The following KALRN variants were observed in gnomAD, a reference collection of about 807,000 sequenced individuals.
The protein encoded by KALRN is kalirin RhoGEF kinase.
KALRN carries 70 observed loss-of-function variants against 353.7 expected under a neutral mutation model. The observed-to-expected ratio is 0.20, with a 90% CI of 0.16 to 0.24. The LOEUF is 0.24. KALRN is among the 10% of genes least tolerant of loss of function. The pLI is 1.00. For missense variants in KALRN, 2,791 were observed against 3,756.7 expected, an observed-to-expected ratio of 0.74 and a Z score of 6.72; for synonymous variants, 1,391 against 1,434.8, an observed-to-expected ratio of 0.97 and a Z score of 0.69.
intron 37 of KALRN, among the ~76,000 whole-genome samples, chr3:124,642,370 C>T (rs1427707133): frequency 1.3e-5 from 2 of 152,106 alleles, no homozygotes; most frequent in African/African-American, 2.4e-5. Context: ...TTGGGTGGCA[C>T]ACTAGCGTAG....
intron 1 of KALRN, among the ~76,000 whole-genome samples, chr3:124,212,724 A>G (rs1195263003): frequency 6.6e-6 from 1 of 152,114 alleles, no homozygotes; most frequent in East Asian, 1.9e-4. Context: ...TACTTGCACT[A>G]ATGGGGTTAT....
chr3:124,114,556 T>C (rs1042335274), intron 1 of KALRN, among the ~76,000 whole-genome samples: 2 of 152,174 alleles, frequency 1.3e-5, no homozygotes, highest in South Asian at 2.1e-4. Context: ...ATATTGGGGA[T>C]TTGAGAACCC....
chr3:124,662,202 T>C (rs896722068), intron 45 of KALRN, among the ~76,000 whole-genome samples: 3 of 139,158 alleles, frequency 2.2e-5, no homozygotes, highest in Non-Finnish European at 3.1e-5. Context: ...TCTTTTTTTT[T>C]TTTTTTTTTT....
chr3:124,518,512 C>T (rs778751866), intron 33 of KALRN: 3 of 1,613,212 alleles, frequency 1.9e-6, no homozygotes, highest in Non-Finnish European at 2.5e-6. Context: ...GCCGTGGCAC[C>T]GTTGGGACCT....
chr3:124,522,243 G>C (rs920141638), intron 33 of KALRN, among the ~76,000 whole-genome samples: 1 of 151,626 alleles, frequency 6.6e-6, no homozygotes, highest in Non-Finnish European at 1.5e-5. Flanking sequence ...ACATATGTAA[G>C]ACCTTCCTGA....
intron 1 of KALRN, among the ~76,000 whole-genome samples, chr3:124,155,228 G>A (rs1417737658): frequency 6.6e-6 from 1 of 152,092 alleles, no homozygotes. Flanking sequence ...AACACCAAAG[G>A]AACCTTCTTC....
chr3:124,350,191 C>A (rs1208003258), intron 10 of KALRN, among the ~76,000 whole-genome samples: 1 of 152,206 alleles, frequency 6.6e-6, no homozygotes, highest in African/African-American at 2.4e-5. Context: ...AGACCCATGG[C>A]CATCCCAGTC....
rs71145473 is a variant in KALRN, at chr3:124,649,965, AAATAATAATAATAAT to A, written c.5665-816_5665-802del. On this transcript the variant is annotated intron_variant, in intron 37 of 59. Transcript: ENST00000682506. Reference sequence around the variant, plus strand: ...ATAGTGAGACCCTGTCTCTAAAATAAAATAATAATAATAATAATAATAATAATAATAATAATAATA... The same window carrying A: ...ATAGTGAGACCCTGTCTCTAAAATAAAATAATAATAATAATAATAATAATA... Among the ~76,000 whole-genome samples, 542 of 143,492 alleles carry A rather than the reference AAATAATAATAATAAT, an allele frequency of 3.8e-3. 1 individual carries two copies. Among genetic ancestry groups the A allele is most frequent in the African/African-American group, 0.01 (407 of 38,954 alleles). 94.1% of individuals were successfully genotyped at this position (143,492 alleles called of 152,430 possible).
intron 1 of KALRN, chr3:124,094,689 G>A (rs1351341702): frequency 1.4e-6 from 1 of 691,746 alleles, no homozygotes; most frequent in Non-Finnish European, 2.7e-6. Flanking sequence ...CTGTGTGGGA[G>A]GACTGGTGGC....
intron 33 of KALRN, among the ~76,000 whole-genome samples, chr3:124,534,464 A>G (rs963438830): frequency 1.3e-5 from 2 of 152,212 alleles, no homozygotes; most frequent in Admixed American, 6.5e-5. Flanking sequence ...CAAGTGCAGC[A>G]AACCACCATG....
At chr3:124,624,122 T>C (rs916324539) in intron 34 of KALRN, among the ~76,000 whole-genome samples, 2 of 152,240 alleles carry the variant, frequency 1.3e-5, no homozygotes, top group Admixed American at 1.3e-4. Flanking sequence ...ACCATCCTAC[T>C]CCGTCCTGCC....
At position 124,657,569 on chromosome 3, in the gene KALRN, C is replaced by T; in HGVS notation, c.5966+18C>T. On this transcript the variant is annotated intron_variant, in intron 40 of 59. Coordinates refer to ENST00000682506, the MANE Select transcript of KALRN (RefSeq NM_001388419.1). ...CATAAGGAGTAAGTGTTAATGCTGC[C>T]CCGAGGATCCAGTGTCCTGGGAATC... is the stretch of plus-strand genomic sequence containing the variant. 1 of 1,583,040 alleles carries T rather than the reference C, an allele frequency of 6.3e-7. No individual in the cohort carries two copies. Among genetic ancestry groups the T allele is most frequent in the Non-Finnish European group, 8.7e-7 (1 of 1,151,812 alleles).
chr3:124,395,351 T>C lies in KALRN; in HGVS notation c.2171+8T>C. 3 of 1,606,682 alleles carry C rather than the reference T, an allele frequency of 1.9e-6. No individual in the cohort carries two copies. Among genetic ancestry groups the C allele is most frequent in the East Asian group, 2.2e-5 (1 of 44,594 alleles). ...GGAGCCCAGCGAGGCCAGGTCAGCA[T>C]GGGCAGAGCTTTCCAGTGGGAAATG... On this transcript the variant is annotated splice_region_variant and intron_variant, in intron 12 of 59. Coordinates refer to ENST00000682506, the MANE Select transcript of KALRN (RefSeq NM_001388419.1).
rs567314133 is a variant in KALRN, at chr3:124,547,799, C to T, written c.4936-15044C>T. 2.7e-5 allele frequency among the ~76,000 whole-genome samples: 4 copies of T among 147,074 alleles called. No homozygotes were observed. In the South Asian group the frequency reaches 9.3e-4, roughly 34 times the overall value. ...CCTATGTATACCAAACCTTTTGGCT[C>T]AAGCAGGGGACTCTCTTTTTTTTCT... On this transcript the variant is annotated intron_variant, in intron 33 of 59. Transcript: ENST00000682506.
At chr3:124,717,409 G>C in intron 59 of KALRN, 24 bp downstream of exon 59, 1 of 1,558,594 alleles carries the variant, frequency 6.4e-7, no homozygotes, top group East Asian at 2.3e-5. Context: ...GCAACCTGCT[G>C]GGCGCAGTGG....
chr3:124,429,325 G>A (rs909096350), intron 15 of KALRN, among the ~76,000 whole-genome samples: 3 of 152,162 alleles, frequency 2.0e-5, no homozygotes, highest in Non-Finnish European at 4.4e-5. Context: ...TGAAATTTGA[G>A]AGGTGCCTAT....
intron 6 of KALRN, among the ~76,000 whole-genome samples, chr3:124,308,472 A>G (rs1220733226): frequency 1.3e-5 from 2 of 152,026 alleles, no homozygotes; most frequent in Non-Finnish European, 2.9e-5. Flanking sequence ...CCAGATATTT[A>G]CCCCATCACA....
In KALRN at chr3:124,438,943, G is replaced by A. The variant is rs752139764; in HGVS notation, c.3104G>A (p.Cys1035Tyr). 1 of 1,614,090 alleles carries A rather than the reference G, an allele frequency of 6.2e-7. No homozygotes were observed. Among genetic ancestry groups the A allele is most frequent in the Non-Finnish European group, 8.5e-7 (1 of 1,179,976 alleles). ...GAATACCGGAGAGATGAGGACTGGTGTGGTGGACGAGATAAGCTGGGGCCA... is the reference window on the plus strand; with the variant it reads ...GAATACCGGAGAGATGAGGACTGGTATGGTGGACGAGATAAGCTGGGGCCA... ...EQEYRRDEDW[C>Y]GGRDKLGPAA... Residue 1035 changes from cysteine (C) to tyrosine (Y), a missense_variant, in exon 18 of 60, where the codon TGT (cysteine) becomes TAT (tyrosine). By Grantham distance (194) the Cys-to-Tyr change is radical (BLOSUM62 -2). Transcript: ENST00000682506.
At chr3:124,042,174 A>C (rs1359311428) in intron 1 of KALRN, among the ~76,000 whole-genome samples, 2 of 152,214 alleles carry the variant, frequency 1.3e-5, no homozygotes, top group African/African-American at 2.4e-5. Context: ...TATTCATAGC[A>C]TATTTAGGGG....
Sources: allele counts gnomAD v4.1 joint callset (sites outside exome capture counted in the v4.1 genomes callset), GRCh38; gene constraint gnomAD v4.1.1; transcripts MANE v1.5; gene names NCBI Gene and HGNC (gene_info 2026-07-23, HGNC 2026-07-21).